Variants in CALN1 observed in about 807,000 individuals in gnomAD.
The protein encoded by CALN1 is calcium-binding protein 8.
CALN1 carries 17 observed loss-of-function variants against 30.6 expected under a neutral mutation model. The ratio of observed to expected loss-of-function variants is 0.56; its 90% confidence interval spans 0.38 to 0.83. The LOEUF is 0.83. CALN1 is among the 40% of genes least tolerant of loss of function. The pLI is 0.00. For synonymous variants in CALN1, 156 were observed against 131.4 expected, an observed-to-expected ratio of 1.19 and a Z score of -1.28; for missense variants, 291 against 354.9, an observed-to-expected ratio of 0.82 and a Z score of 1.45.
intron 3 of CALN1, among the ~76,000 whole-genome samples, chr7:72,251,432 T>C (rs1391316965): frequency 1.3e-5 from 2 of 152,076 alleles, no homozygotes; most frequent in Non-Finnish European, 2.9e-5. Flanking sequence ...AGAGTGTTGC[T>C]CTGTTGCCCA....
chr7:72,220,522 T>C (rs1258220582), intron 3 of CALN1, among the ~76,000 whole-genome samples: 1 of 152,048 alleles, frequency 6.6e-6, no homozygotes, highest in Non-Finnish European at 1.5e-5. Context: ...TGTGTCTTTA[T>C]AGCAGCATGA....
intron 5 of CALN1, among the ~76,000 whole-genome samples, chr7:71,905,343 A>G (rs1434444700): frequency 6.7e-6 from 1 of 150,208 alleles, no homozygotes; most frequent in Admixed American, 6.6e-5. Flanking sequence ...ACTTCAGTGT[A>G]CCCATCACCT....
chr7:71,927,217 T>A (rs959094366), intron 5 of CALN1, among the ~76,000 whole-genome samples: 4 of 145,736 alleles, frequency 2.7e-5, no homozygotes, highest in South Asian at 2.1e-4. Context: ...ATTTTTTGTA[T>A]GTGTTTTTTT....
chr7:71,994,456 G>A (rs997639654), intron 5 of CALN1, among the ~76,000 whole-genome samples: 1 of 144,492 alleles, frequency 6.9e-6, no homozygotes, highest in Non-Finnish European at 1.5e-5. Flanking sequence ...AGGTTGCCGT[G>A]AGCCGAGATC....
intron 5 of CALN1, among the ~76,000 whole-genome samples, chr7:71,821,784 CTTTCTT>C (rs771147262): frequency 2.5e-4 from 36 of 144,472 alleles, no homozygotes; most frequent in Admixed American, 5.5e-4. Context: ...CTAAATGTTT[CTTTCTT>C]TTTTTTTTTT....
At chr7:72,364,666 AGT>A (rs1160895247) in intron 2 of CALN1, among the ~76,000 whole-genome samples, 1 of 152,248 alleles carries the variant, frequency 6.6e-6, no homozygotes, top group African/African-American at 2.4e-5. Context: ...ATATTGATAA[AGT>A]GTATTTCAAA....
chr7:71,994,449 T>C (rs1163136665), intron 5 of CALN1, among the ~76,000 whole-genome samples: 1 of 148,584 alleles, frequency 6.7e-6, no homozygotes, highest in Non-Finnish European at 1.5e-5. Flanking sequence ...GAGGCAGAGG[T>C]TGCCGTGAGC....
At chr7:72,011,178 A>T (rs1426252986) in intron 5 of CALN1, among the ~76,000 whole-genome samples, 2 of 152,050 alleles carry the variant, frequency 1.3e-5, no homozygotes, top group Non-Finnish European at 2.9e-5. Flanking sequence ...ACAAAAAAGA[A>T]AGAAGGAAAA....
Position 71,941,689 on chromosome 7 carries a change from T to G in CALN1, c.501+81968A>C, listed in dbSNP as rs74894929. ...ATGAGAAATTAGAGAAAAAAGAATC[T>G]TTTGTGCTGCTGGGAAGAGGGTTAG... On this transcript the variant is annotated intron_variant, in intron 5 of 6. Transcript: ENST00000395275. Among the ~76,000 whole-genome samples the G allele has an allele frequency of 3.1e-4, 47 of 152,308 alleles. No individual in the cohort carries two copies. In the East Asian group the frequency reaches 8.9e-3, roughly 29 times the overall value.
At chr7:71,932,543 G>C (rs568667761) in intron 5 of CALN1, among the ~76,000 whole-genome samples, 28 of 152,080 alleles carry the variant, frequency 1.8e-4, no homozygotes, top group Non-Finnish European at 1.2e-4. Flanking sequence ...GCCGGGCAGG[G>C]TGGCTCACGC....
chr7:71,804,939 G>A (rs1361930087), intron 6 of CALN1, among the ~76,000 whole-genome samples: 1 of 152,132 alleles, frequency 6.6e-6, no homozygotes, highest in Non-Finnish European at 1.5e-5. Flanking sequence ...TGGGCAACAA[G>A]AGCAAAACTC....
At chr7:72,423,435 C>T (rs910442378) in intron 1 of CALN1, among the ~76,000 whole-genome samples, 11 of 152,224 alleles carry the variant, frequency 7.2e-5, no homozygotes, top group Admixed American at 5.9e-4. Context: ...TCCTTCACAG[C>T]TGTCCTTAAA....
chr7:72,443,356 T>A (rs1472155524), intron 1 of CALN1, among the ~76,000 whole-genome samples: 1 of 152,220 alleles, frequency 6.6e-6, no homozygotes, highest in East Asian at 1.9e-4. Context: ...TTTTCCCAAG[T>A]GATTCCGTTG....
chr7:72,491,010 C>T, the CALN1 span, among the ~76,000 whole-genome samples: 2 of 151,816 alleles, frequency 1.3e-5, no homozygotes, highest in South Asian at 4.2e-4. Flanking sequence ...TTTGGGAGGC[C>T]GAGGCGGGTG....
intron 5 of CALN1, among the ~76,000 whole-genome samples, chr7:71,984,073 A>C (rs1250802977): frequency 6.6e-6 from 1 of 152,194 alleles, no homozygotes; most frequent in Non-Finnish European, 1.5e-5. Flanking sequence ...GTAAATAATT[A>C]ATCAAAAGAA....
intron 3 of CALN1, among the ~76,000 whole-genome samples, chr7:72,183,593 C>T (rs1789973810): frequency 6.6e-6 from 1 of 152,162 alleles, no homozygotes; most frequent in African/African-American, 2.4e-5. Flanking sequence ...CGCTGAAATG[C>T]AATTCCATTT....
chr7:72,289,326 T>C (rs1242705373), intron 2 of CALN1, among the ~76,000 whole-genome samples: 4 of 152,198 alleles, frequency 2.6e-5, no homozygotes, highest in Admixed American at 1.3e-4. Flanking sequence ...CTATTCACAG[T>C]TCATCTGACT....
chr7:72,116,104 T>C (rs555121610), intron 3 of CALN1, among the ~76,000 whole-genome samples: 1 of 152,234 alleles, frequency 6.6e-6, no homozygotes, highest in South Asian at 2.1e-4. Flanking sequence ...ACTCCTTAGG[T>C]GATTTGCTAT....
chr7:72,327,281 G>T (rs1801345319), intron 2 of CALN1, among the ~76,000 whole-genome samples: 1 of 152,150 alleles, frequency 6.6e-6, no homozygotes, highest in Non-Finnish European at 1.5e-5. Context: ...ATCACTTGAG[G>T]TCAGGAGTTT....
Sources: gnomAD v4.1 joint callset for allele counts (sites outside exome capture counted in the v4.1 genomes callset) on GRCh38, gnomAD v4.1.1 for gene constraint, MANE v1.5 for transcripts, NCBI Gene and HGNC (gene_info 2026-07-23, HGNC 2026-07-21) for gene names.